Variants in MOGAT1 observed in about 807,000 individuals in gnomAD.
The protein encoded by MOGAT1 is 2-acylglycerol O-acyltransferase 1.
Under a neutral mutation model 31.4 loss-of-function variants are expected in MOGAT1, and 32 were observed. That is an observed-to-expected ratio of 1.02 (90% CI 0.77 to 1.37). The LOEUF (loss-of-function observed/expected upper bound fraction) is 1.37, where lower values mean the gene tolerates loss of function less well. Ranked by LOEUF, MOGAT1 falls within the 40% of genes most tolerant of loss-of-function variation. The probability of loss-of-function intolerance (pLI) is 0.00; values close to 1 mark genes in which losing one functional copy is unlikely to be tolerated. For synonymous variants in MOGAT1, 145 were observed against 144.5 expected (o/e 1.00, Z -0.03); for missense variants, 426 against 402.0 (o/e 1.06, Z -0.51).
chr2:222,684,578 C>T (rs13007855), intron 1 of MOGAT1, among the ~76,000 whole-genome samples: 60,319 of 151,822 alleles, frequency 0.4, 13,376 homozygotes, highest in African/African-American at 0.61. Flanking sequence ...CATCCAGTAT[C>T]TTACTTCTTT....
chr2:222,676,897 C>A (rs532608084), intron 1 of MOGAT1, among the ~76,000 whole-genome samples: 1 of 152,248 alleles, frequency 6.6e-6, no homozygotes, highest in South Asian at 2.1e-4. Context: ...ACTTTAGTAT[C>A]TAAAAATCAG....
chr2:222,708,965 C>A (rs1432167300), intron 5 of MOGAT1, among the ~76,000 whole-genome samples: 2 of 152,172 alleles, frequency 1.3e-5, no homozygotes, highest in Non-Finnish European at 2.9e-5. Context: ...ACAATGGAAT[C>A]CACGTCATTT....
intron 1 of MOGAT1, among the ~76,000 whole-genome samples, chr2:222,677,471 A>C (rs574784153): frequency 6.6e-6 from 1 of 152,326 alleles, no homozygotes; most frequent in South Asian, 2.1e-4. Context: ...ATTTTGAAGC[A>C]GCCTTGGCAT....
intron 1 of MOGAT1, among the ~76,000 whole-genome samples, chr2:222,684,128 G>A (rs1181248276): frequency 1.3e-5 from 2 of 152,152 alleles, no homozygotes; most frequent in Non-Finnish European, 2.9e-5. Context: ...ACAGGGCCAG[G>A]TGCAGTGGCT....
chr2:222,700,396 C>G lies in MOGAT1; in HGVS notation c.853+5108C>G, dbSNP rs192545867. Reference sequence around the variant, plus strand: ...GCAACTGTATTAACTTGTTTTCACTCATACTTGTCCAATGTGCTTCTCTTA... The same window carrying G: ...GCAACTGTATTAACTTGTTTTCACTGATACTTGTCCAATGTGCTTCTCTTA... On this transcript the variant is annotated intron_variant, in intron 5 of 5. Coordinates refer to ENST00000446656, the MANE Select transcript of MOGAT1 (RefSeq NM_058165.3). 7.3e-4 allele frequency among the ~76,000 whole-genome samples: 111 copies of G among 152,346 alleles called. 2 individuals are homozygous for G. Among genetic ancestry groups the G allele is most frequent in the Non-Finnish European group, 1.5e-3 (100 of 68,036 alleles).
At chr2:222,706,088 A>T (rs1693000607) in intron 5 of MOGAT1, among the ~76,000 whole-genome samples, 1 of 152,184 alleles carries the variant, frequency 6.6e-6, no homozygotes, top group Admixed American at 6.5e-5. Context: ...ATAGTTTAGG[A>T]ACTTTCAGCT....
chr2:222,701,596 A>AGGGAGGG (rs1692929989), intron 5 of MOGAT1, among the ~76,000 whole-genome samples: 1 of 138,978 alleles, frequency 7.2e-6, no homozygotes, highest in African/African-American at 2.8e-5. Context: ...GAAAGAAAGA[A>AGGGAGGG]AGGGAGGGAG....
At chr2:222,700,135 G>C (rs1398989640) in intron 5 of MOGAT1, among the ~76,000 whole-genome samples, 1 of 152,212 alleles carries the variant, frequency 6.6e-6, no homozygotes, top group Non-Finnish European at 1.5e-5. Context: ...ATGATAATAG[G>C]AACTAAAAGT....
chr2:222,674,938 C>T (rs1427777728), intron 1 of MOGAT1, among the ~76,000 whole-genome samples: 2 of 152,062 alleles, frequency 1.3e-5, no homozygotes, highest in African/African-American at 4.8e-5. Flanking sequence ...CCCAAAGTAA[C>T]GGGATTACAG....
intron 1 of MOGAT1, among the ~76,000 whole-genome samples, chr2:222,679,732 T>C (rs1225982548): frequency 6.6e-6 from 1 of 152,234 alleles, no homozygotes; most frequent in Non-Finnish European, 1.5e-5. Context: ...TGGACTGAGC[T>C]CCTGCACTAG....
At chr2:222,701,328 GAT>G (rs747919206) in intron 5 of MOGAT1, among the ~76,000 whole-genome samples, 7,741 of 115,430 alleles carry the variant, frequency 0.067, 266 homozygotes, top group Middle Eastern at 0.1. Flanking sequence ...GAGAGAGAGA[GAT>G]AAAAGGAATT....
At chr2:222,686,207 C>G (rs539402029) in intron 1 of MOGAT1, among the ~76,000 whole-genome samples, 166 of 152,260 alleles carry the variant, frequency 1.1e-3, no homozygotes, top group Non-Finnish European at 1.9e-3. Flanking sequence ...GATAGCGTGG[C>G]TTTGTGAAAA....
chr2:222,700,433 A>G (rs1375577746), intron 5 of MOGAT1, among the ~76,000 whole-genome samples: 1 of 152,226 alleles, frequency 6.6e-6, no homozygotes, highest in African/African-American at 2.4e-5. Context: ...ACATTCAGAA[A>G]GGGGGAAATT....
chr2:222,708,995 A>T (rs954270968), intron 5 of MOGAT1, among the ~76,000 whole-genome samples: 1 of 152,222 alleles, frequency 6.6e-6, no homozygotes, highest in African/African-American at 2.4e-5. Context: ...TCTCTAATAC[A>T]GATACTTAGC....
intron 1 of MOGAT1, among the ~76,000 whole-genome samples, chr2:222,685,785 GA>G (rs1692656294): frequency 6.6e-6 from 1 of 151,782 alleles, no homozygotes; most frequent in African/African-American, 2.4e-5. Context: ...ATTTTTAGTA[GA>G]GACAGGGTTT....
At chr2:222,708,190 T>C (rs572814011) in intron 5 of MOGAT1, among the ~76,000 whole-genome samples, 38 of 152,280 alleles carry the variant, frequency 2.5e-4, no homozygotes, top group Middle Eastern at 3.4e-3. Context: ...TTCTAGAGGT[T>C]GTCCTGCCTC....
At chr2:222,672,711 T>C (rs189173787) in intron 1 of MOGAT1, among the ~76,000 whole-genome samples, 1 of 152,190 alleles carries the variant, frequency 6.6e-6, no homozygotes, top group East Asian at 1.9e-4. Flanking sequence ...TCATGGATTG[T>C]ACAGCGTTGG....
chr2:222,687,113 CAAAAAAAAAA>C (rs1177781176), intron 1 of MOGAT1, among the ~76,000 whole-genome samples: 4 of 22,462 alleles, frequency 1.8e-4, no homozygotes, highest in Admixed American at 1.5e-3. Context: ...GACTCCATCT[CAAAAAAAAAA>C]AAAAAAAAAA....
chr2:222,672,691 T>C (rs1692438100), intron 1 of MOGAT1, among the ~76,000 whole-genome samples: 1 of 152,138 alleles, frequency 6.6e-6, no homozygotes, highest in Non-Finnish European at 1.5e-5. Flanking sequence ...ATCATGTGTA[T>C]GCTGTAAGAT....
Sources: gnomAD v4.1 joint callset for allele counts (sites outside exome capture counted in the v4.1 genomes callset) on GRCh38, gnomAD v4.1.1 for gene constraint, MANE v1.5 for transcripts, NCBI Gene and HGNC (gene_info 2026-07-23, HGNC 2026-07-21) for gene names.